Variants in TEAD1 observed in about 807,000 individuals in gnomAD.
TEAD1 encodes the protein TEA domain transcription factor 1.
In TEAD1, 9 loss-of-function variants were observed where a neutral mutation model predicts 54.9. That is an observed-to-expected ratio of 0.16 (90% confidence interval 0.10 to 0.29). The LOEUF (loss-of-function observed/expected upper bound fraction) is 0.29, where lower values mean the gene tolerates loss of function less well. Ranked by LOEUF, TEAD1 falls within the 10% of genes least tolerant of loss-of-function variation. TEAD1 has a pLI of 1.00. For missense variants in TEAD1, 387 were observed against 535.9 expected (o/e 0.72, Z 2.74); for synonymous variants, 200 against 187.8 (o/e 1.07, Z -0.53).
intron 2 of TEAD1, among the ~76,000 whole-genome samples, chr11:12,695,956 G>A (rs75139886): frequency 0.026 from 3,954 of 152,036 alleles, 155 homozygotes; most frequent in African/African-American, 0.092. Flanking sequence ...ACTCTTCTCT[G>A]AAGAAAAAAG....
intron 10 of TEAD1, among the ~76,000 whole-genome samples, chr11:12,914,653 C>T (rs1948678066): frequency 6.6e-6 from 1 of 152,224 alleles, no homozygotes; most frequent in African/African-American, 2.4e-5. Context: ...AATGAGAGGG[C>T]GAGGAGCCTT....
Position 12,939,572 on chromosome 11 carries a change from A to G in TEAD1, c.*2350A>G, listed in dbSNP as rs1483781531. 1 of 152,250 alleles carries G rather than the reference A, an allele frequency of 6.6e-6. No individual in the cohort carries two copies. The highest frequency in any genetic ancestry group is 2.4e-5 in the African/African-American group (1 of 41,462). The allele number at this position is 152,250 out of a possible 1,614,324, so 9.4% of individuals were successfully genotyped here. On this transcript the variant is annotated 3_prime_UTR_variant, in exon 13 of 13. Coordinates refer to ENST00000527636, the MANE Select transcript of TEAD1 (RefSeq NM_021961.6). Reference sequence around the variant, plus strand: ...CTAGAGGACAACTCTGTTGGCACAGAGACGGGGACAGCCCAGTCTGCTGAC... The same window carrying G: ...CTAGAGGACAACTCTGTTGGCACAGGGACGGGGACAGCCCAGTCTGCTGAC...
At chr11:12,860,378 G>A (rs1947474231) in intron 3 of TEAD1, among the ~76,000 whole-genome samples, 1 of 152,180 alleles carries the variant, frequency 6.6e-6, no homozygotes, top group Non-Finnish European at 1.5e-5. Context: ...GTACTTTCTA[G>A]CCCCCAGATT....
chr11:12,811,497 T>A (rs1376637825), intron 3 of TEAD1, among the ~76,000 whole-genome samples: 1 of 152,190 alleles, frequency 6.6e-6, no homozygotes, highest in East Asian at 1.9e-4. Context: ...ACCTTCCTCT[T>A]GTGAATTTGT....
chr11:12,848,975 C>T (rs941061982), intron 3 of TEAD1: 1 of 151,986 alleles, frequency 6.6e-6, no homozygotes, highest in Non-Finnish European at 1.5e-5. Context: ...TAAAAAAAAG[C>T]ACAGTGCTTT....
chr11:12,883,532 C>A (rs189194315), intron 9 of TEAD1, among the ~76,000 whole-genome samples: 3 of 152,270 alleles, frequency 2.0e-5, no homozygotes, highest in Admixed American at 2.0e-4. Context: ...TAGGTACTAA[C>A]TGACAAATGA....
intron 2 of TEAD1, among the ~76,000 whole-genome samples, chr11:12,731,501 C>A (rs1944424239): frequency 6.6e-6 from 1 of 151,916 alleles, no homozygotes; most frequent in African/African-American, 2.4e-5. Context: ...ATATTTTGTA[C>A]TTTTCTGGTA....
chr11:12,878,796 T>TAC, intron 5 of TEAD1: 2 of 758,636 alleles, frequency 2.6e-6, no homozygotes, highest in South Asian at 3.3e-5. Context: ...TATGTATATA[T>TAC]ACACATATAT....
chr11:12,730,590 T>C (rs1194083492), intron 2 of TEAD1, among the ~76,000 whole-genome samples: 1 of 151,746 alleles, frequency 6.6e-6, no homozygotes, highest in Non-Finnish European at 1.5e-5. Flanking sequence ...CTGAAGGAAT[T>C]GGAGTATATA....
intron 3 of TEAD1, among the ~76,000 whole-genome samples, chr11:12,836,208 C>T (rs1185287276): frequency 6.6e-6 from 1 of 151,992 alleles, no homozygotes; most frequent in Non-Finnish European, 1.5e-5. Flanking sequence ...ATCATGAGGT[C>T]AGGAGATGAA....
chr11:12,935,182 CAG>C (rs764314567), intron 12 of TEAD1, among the ~76,000 whole-genome samples: 1 of 152,140 alleles, frequency 6.6e-6, no homozygotes, highest in Admixed American at 6.5e-5. Flanking sequence ...ATTCGTAGAA[CAG>C]GGGAATTTGA....
At chr11:12,677,816 C>G (rs543763476) in intron 2 of TEAD1, among the ~76,000 whole-genome samples, 1 of 152,268 alleles carries the variant, frequency 6.6e-6, no homozygotes, top group South Asian at 2.1e-4. Flanking sequence ...ATGGATTGAT[C>G]TCTCATACGT....
intron 2 of TEAD1, among the ~76,000 whole-genome samples, chr11:12,698,061 A>G (rs1197232764): frequency 6.6e-6 from 1 of 151,338 alleles, no homozygotes; most frequent in Non-Finnish European, 1.5e-5. Flanking sequence ...CAGGGACCAG[A>G]GGGGTTTAGA....
At chr11:12,845,518 C>T (rs1947128450) in intron 3 of TEAD1, among the ~76,000 whole-genome samples, 1 of 152,186 alleles carries the variant, frequency 6.6e-6, no homozygotes, top group Non-Finnish European at 1.5e-5. Flanking sequence ...AGCTCTGTGA[C>T]ATGCATTAAC....
chr11:12,760,840 T>C (rs1945088021), intron 2 of TEAD1, among the ~76,000 whole-genome samples: 1 of 152,176 alleles, frequency 6.6e-6, no homozygotes, highest in Non-Finnish European at 1.5e-5. Flanking sequence ...GATGGTTATT[T>C]TGGTATCCAG....
intron 2 of TEAD1, among the ~76,000 whole-genome samples, chr11:12,697,334 C>T (rs1477922743): frequency 1.3e-5 from 2 of 152,260 alleles, no homozygotes; most frequent in Middle Eastern, 3.4e-3. Flanking sequence ...TAGCAAATGC[C>T]TTTCTCAAGG....
chr11:12,919,393 C>T (rs1948766571), intron 10 of TEAD1, among the ~76,000 whole-genome samples: 1 of 152,198 alleles, frequency 6.6e-6, no homozygotes, highest in Non-Finnish European at 1.5e-5. Context: ...GCAAAACCAT[C>T]TAAAAAATCA....
chr11:12,794,511 G>A (rs1564942134), intron 3 of TEAD1, among the ~76,000 whole-genome samples: 1 of 152,132 alleles, frequency 6.6e-6, no homozygotes, highest in African/African-American at 2.4e-5. Flanking sequence ...CTCTCTTTTC[G>A]ACATGTGACA....
intron 3 of TEAD1, among the ~76,000 whole-genome samples, chr11:12,800,612 G>A (rs1946036607): frequency 6.6e-6 from 1 of 152,164 alleles, no homozygotes. Flanking sequence ...CCTGACCGCT[G>A]TACTTAGCAC....
Sources: gnomAD v4.1 joint callset for allele counts (sites outside exome capture counted in the v4.1 genomes callset) on GRCh38, gnomAD v4.1.1 for gene constraint, MANE v1.5 for transcripts, NCBI Gene and HGNC (gene_info 2026-07-23, HGNC 2026-07-21) for gene names.